The following MAST4 variants were observed in gnomAD, a reference collection of about 807,000 sequenced individuals.
MAST4 encodes microtubule associated serine/threonine kinase family member 4.
In MAST4, 89 loss-of-function variants were observed where a neutral mutation model predicts 162.7. The observed-to-expected ratio is 0.55, with a 90% confidence interval of 0.46 to 0.65. The LOEUF (loss-of-function observed/expected upper bound fraction) is 0.65, where lower values mean the gene tolerates loss of function less well. Among genes scored for constraint, MAST4 ranks in the 30% least tolerant of loss-of-function variants. The pLI is 0.00. For missense variants in MAST4, 3,153 were observed against 3,374.0 expected, an observed-to-expected ratio of 0.93 and a Z score of 1.62; for synonymous variants, 1,479 against 1,361.1, an observed-to-expected ratio of 1.09 and a Z score of -1.91.
intron 12 of MAST4, among the ~76,000 whole-genome samples, chr5:67,117,155 A>C (rs1561675314): frequency 1.3e-5 from 2 of 152,238 alleles, no homozygotes; most frequent in African/African-American, 4.8e-5. Flanking sequence ...TTTTATTTAA[A>C]TACTACTAAT....
intron 1 of MAST4, among the ~76,000 whole-genome samples, chr5:66,600,076 T>C (rs1174382100): frequency 6.6e-6 from 1 of 152,240 alleles, no homozygotes; most frequent in Non-Finnish European, 1.5e-5. Flanking sequence ...AGAGTTTGAC[T>C]TATTTTTTAC....
intron 7 of MAST4, among the ~76,000 whole-genome samples, chr5:67,097,539 A>G (rs1191895789): frequency 1.3e-5 from 2 of 152,136 alleles, no homozygotes; most frequent in African/African-American, 4.8e-5. Flanking sequence ...CCTTGTAATT[A>G]ATAAAGCTGA....
chr5:67,110,228 A>T, intron 11 of MAST4, 29 bp downstream of exon 11: 1 of 1,488,142 alleles, frequency 6.7e-7, no homozygotes, highest in Non-Finnish European at 9.4e-7. Flanking sequence ...TGACTACATT[A>T]TTTATTGTTA....
At chr5:67,080,834 G>T (rs1277694028) in intron 5 of MAST4, among the ~76,000 whole-genome samples, 1 of 149,958 alleles carries the variant, frequency 6.7e-6, no homozygotes, top group African/African-American at 2.4e-5. Flanking sequence ...AAATATTCAT[G>T]TTTGTTAGAT....
intron 4 of MAST4, among the ~76,000 whole-genome samples, chr5:66,909,857 G>A (rs1320798419): frequency 2.0e-5 from 3 of 152,170 alleles, no homozygotes; most frequent in Admixed American, 1.3e-4. Context: ...AGTCTCACAA[G>A]ATCTAATGGT....
Position 67,166,217 on chromosome 5 carries a change from C to G in MAST4, c.7038C>G (p.Cys2346Trp). 1 of 1,552,716 alleles carries G rather than the reference C, an allele frequency of 6.4e-7. No homozygotes were observed. The highest frequency in any genetic ancestry group is 1.2e-5 in the South Asian group (1 of 84,156). ...PSTVKDCPTL[C>W]KQTDNRQTDK... ...CTGTGAAAGATTGCCCCACCCTGTG[C>G]AAACAGACAGACAACAGACAGACAG... is the stretch of plus-strand genomic sequence containing the variant. The change falls in exon 29 of 29, where the codon TGC (cysteine) becomes TGG (tryptophan). Residue 2346 changes from cysteine (C) to tryptophan (W), a missense_variant. Around this residue, in one of 7 missense-constraint regions of MAST4, gnomAD observed 1,644 missense variants for 1,495.0 expected, o/e 1.10. Transcript: ENST00000403625.
At chr5:67,045,281 G>A (rs894781861) in intron 4 of MAST4, among the ~76,000 whole-genome samples, 2 of 152,100 alleles carry the variant, frequency 1.3e-5, no homozygotes, top group African/African-American at 4.8e-5. Flanking sequence ...TGTACAATTC[G>A]AAGTTATGTT....
At chr5:66,857,829 T>C (rs1158238242) in intron 3 of MAST4, among the ~76,000 whole-genome samples, 4 of 152,212 alleles carry the variant, frequency 2.6e-5, no homozygotes, top group Non-Finnish European at 5.9e-5. Flanking sequence ...GTTTGTCAAG[T>C]AGAGGACCGA....
intron 8 of MAST4, 75 bp downstream of exon 8, chr5:67,100,667 C>A: frequency 1.3e-6 from 2 of 1,558,404 alleles, no homozygotes; most frequent in South Asian, 2.3e-5. Context: ...ACACTTCGGT[C>A]CTTTAGGTCA....
At chr5:66,608,243 A>G (rs186608501) in intron 1 of MAST4, among the ~76,000 whole-genome samples, 218 of 150,586 alleles carry the variant, frequency 1.4e-3, no homozygotes, top group Non-Finnish European at 2.6e-3. Flanking sequence ...TTTAGTAGAG[A>G]CAGGATTTCA....
chr5:66,637,969 C>A (rs897970942), intron 1 of MAST4, among the ~76,000 whole-genome samples: 1 of 152,220 alleles, frequency 6.6e-6, no homozygotes, highest in Non-Finnish European at 1.5e-5. Flanking sequence ...TCCCAAAGAA[C>A]TGGGATTACA....
chr5:66,683,324 A>AT (rs976850448), intron 1 of MAST4, among the ~76,000 whole-genome samples: 2 of 152,096 alleles, frequency 1.3e-5, no homozygotes, highest in African/African-American at 4.8e-5. Flanking sequence ...ACTTACTTTG[A>AT]TTTTTATTCT....
intron 2 of MAST4, among the ~76,000 whole-genome samples, chr5:66,761,204 T>C (rs1483885685): frequency 6.6e-6 from 1 of 152,254 alleles, no homozygotes; most frequent in African/African-American, 2.4e-5. Context: ...ATTGGACAAT[T>C]ATTTGTGTCT....
chr5:66,757,915 C>T (rs1382356413), intron 1 of MAST4, among the ~76,000 whole-genome samples: 1 of 152,174 alleles, frequency 6.6e-6, no homozygotes, highest in Non-Finnish European at 1.5e-5. Flanking sequence ...TCTAGATGAA[C>T]TCAGTGATTT....
At chr5:66,911,539 A>G (rs961665212) in intron 4 of MAST4, among the ~76,000 whole-genome samples, 7 of 139,540 alleles carry the variant, frequency 5.0e-5, no homozygotes, top group African/African-American at 1.9e-4. Flanking sequence ...CTGTCTCTAC[A>G]AACAAACAAA....
chr5:66,630,455 G>C (rs1021933531), intron 1 of MAST4, among the ~76,000 whole-genome samples: 2 of 152,156 alleles, frequency 1.3e-5, no homozygotes, highest in Non-Finnish European at 2.9e-5. Flanking sequence ...TATCTAAACT[G>C]AAGTTTATCC....
chr5:66,794,956 A>T (rs1203682408), intron 3 of MAST4, among the ~76,000 whole-genome samples: 2 of 152,210 alleles, frequency 1.3e-5, no homozygotes, highest in African/African-American at 4.8e-5. Context: ...AAAATTTACT[A>T]AATGTATGCA....
intron 5 of MAST4, among the ~76,000 whole-genome samples, chr5:67,089,329 C>T (rs191717037): frequency 2.6e-5 from 4 of 152,166 alleles, no homozygotes; most frequent in African/African-American, 9.7e-5. Flanking sequence ...TCTCAATGAT[C>T]AGCAGCAGGT....
chr5:66,621,843 A>G (rs573473969), intron 1 of MAST4, among the ~76,000 whole-genome samples: 1 of 152,296 alleles, frequency 6.6e-6, no homozygotes, highest in Non-Finnish European at 1.5e-5. Flanking sequence ...TTAGAGCAGG[A>G]GTTGACAGTC....
Sources: gnomAD v4.1 joint callset for allele counts (sites outside exome capture counted in the v4.1 genomes callset) on GRCh38, gnomAD v4.1.1 for gene constraint, gnomAD v4.1.1 regional missense constraint, MANE v1.5 for transcripts, NCBI Gene and HGNC (gene_info 2026-07-23, HGNC 2026-07-21) for gene names.